MAPKAP1: variants seen among roughly 807,000 people sequenced by gnomAD.
MAPKAP1 encodes the protein MAPK associated protein 1, also known as target of rapamycin complex 2 subunit MAPKAP1.
Under a neutral mutation model 65.7 loss-of-function variants are expected in MAPKAP1, and 20 were observed. The ratio of observed to expected loss-of-function variants is 0.30; its 90% CI spans 0.21 to 0.44. The LOEUF (loss-of-function observed/expected upper bound fraction) is 0.44. Among genes scored for constraint, MAPKAP1 ranks in the 20% least tolerant of loss-of-function variants. The probability of loss-of-function intolerance (pLI) is 1.00; values close to 1 mark genes in which losing one functional copy is unlikely to be tolerated. For missense variants in MAPKAP1, 423 were observed against 648.0 expected (o/e 0.65, Z 3.77); for synonymous variants, 222 against 244.3 (o/e 0.91, Z 0.85).
chr9:125,536,016 G>A (rs1830064479), intron 7 of MAPKAP1, among the ~76,000 whole-genome samples: 1 of 152,236 alleles, frequency 6.6e-6, no homozygotes, highest in African/African-American at 2.4e-5. Context: ...CGACTAGCAG[G>A]AAGAGTAAAT....
At chr9:125,502,090 C>G (rs1395232038) in intron 8 of MAPKAP1, among the ~76,000 whole-genome samples, 2 of 151,550 alleles carry the variant, frequency 1.3e-5, no homozygotes, top group African/African-American at 2.4e-5. Context: ...TACTATTCAG[C>G]CTTTCTTCTT....
At chr9:125,628,854 G>A (rs1229040917) in intron 4 of MAPKAP1, among the ~76,000 whole-genome samples, 1 of 141,464 alleles carries the variant, frequency 7.1e-6, no homozygotes, top group Non-Finnish European at 1.6e-5. Flanking sequence ...AATATATAAT[G>A]AACTCTACAA....
At chr9:125,460,375 A>G (rs1192058895) in intron 10 of MAPKAP1, among the ~76,000 whole-genome samples, 2 of 152,238 alleles carry the variant, frequency 1.3e-5, no homozygotes, top group African/African-American at 4.8e-5. Flanking sequence ...TCCAATCAAC[A>G]CAAATTTTCT....
At chr9:125,679,253 C>T (rs1834748860) in intron 1 of MAPKAP1, among the ~76,000 whole-genome samples, 2 of 152,094 alleles carry the variant, frequency 1.3e-5, no homozygotes, top group Non-Finnish European at 2.9e-5. Context: ...CCCCCCACCT[C>T]GGCCTCCCAA....
chr9:125,517,373 T>C (rs1380751320), intron 7 of MAPKAP1, among the ~76,000 whole-genome samples: 1 of 152,132 alleles, frequency 6.6e-6, no homozygotes, highest in Admixed American at 6.5e-5. Flanking sequence ...CTGCTTGCCC[T>C]GATTTTTCCA....
chr9:125,632,057 T>C (rs1451373880), intron 4 of MAPKAP1, among the ~76,000 whole-genome samples: 1 of 151,680 alleles, frequency 6.6e-6, no homozygotes, highest in Non-Finnish European at 1.5e-5. Flanking sequence ...CCATCTCTAC[T>C]AAAAATACAA....
chr9:125,467,716 C>T (rs1048586945), intron 10 of MAPKAP1, among the ~76,000 whole-genome samples: 9 of 152,132 alleles, frequency 5.9e-5, no homozygotes, highest in Non-Finnish European at 7.4e-5. Context: ...CCCCAGCTCC[C>T]GGGGCTGGGC....
chr9:125,655,519 A>G (rs1834004632), intron 4 of MAPKAP1, among the ~76,000 whole-genome samples: 1 of 152,180 alleles, frequency 6.6e-6, no homozygotes, highest in Non-Finnish European at 1.5e-5. Context: ...AAAAGGCTTG[A>G]CTCAAGTATA....
intron 7 of MAPKAP1, among the ~76,000 whole-genome samples, chr9:125,541,013 G>C (rs1452089979): frequency 6.6e-6 from 1 of 152,208 alleles, no homozygotes; most frequent in Non-Finnish European, 1.5e-5. Flanking sequence ...TACAGAAAGA[G>C]CTTCTTTTGT....
intron 8 of MAPKAP1, among the ~76,000 whole-genome samples, chr9:125,486,211 T>G (rs1189189933): frequency 2.0e-5 from 3 of 152,238 alleles, no homozygotes; most frequent in African/African-American, 7.2e-5. Flanking sequence ...AGATGAGAAC[T>G]CTGAGGCTTT....
At chr9:125,519,033 A>G (rs942189765) in intron 7 of MAPKAP1, among the ~76,000 whole-genome samples, 1 of 152,242 alleles carries the variant, frequency 6.6e-6, no homozygotes, top group African/African-American at 2.4e-5. Flanking sequence ...TCAATTTTAA[A>G]AAATGAGGTG....
intron 5 of MAPKAP1, among the ~76,000 whole-genome samples, chr9:125,573,761 C>T (rs1422396861): frequency 6.6e-6 from 1 of 152,210 alleles, no homozygotes; most frequent in Non-Finnish European, 1.5e-5. Flanking sequence ...GTGGCTGCCA[C>T]ACTGCTCCAT....
intron 1 of MAPKAP1, among the ~76,000 whole-genome samples, chr9:125,682,959 C>CTT (rs5900668): frequency 5.8e-5 from 8 of 137,550 alleles, no homozygotes; most frequent in Admixed American, 2.9e-4. Flanking sequence ...ATTTTAAATT[C>CTT]TTTTTTTTTT....
intron 9 of MAPKAP1, among the ~76,000 whole-genome samples, chr9:125,470,656 A>C (rs192210667): frequency 1.2e-4 from 19 of 152,296 alleles, no homozygotes; most frequent in Admixed American, 1.2e-3. Flanking sequence ...ACACTTTCCC[A>C]ATGACGCCCT....
At chr9:125,574,740 G>A (rs1241262032) in intron 5 of MAPKAP1, among the ~76,000 whole-genome samples, 1 of 152,218 alleles carries the variant, frequency 6.6e-6, no homozygotes, top group East Asian at 1.9e-4. Context: ...TATTGGTTGT[G>A]GTAGTAGCTG....
chr9:125,500,345 C>A (rs1375705084), intron 8 of MAPKAP1, among the ~76,000 whole-genome samples: 6 of 150,608 alleles, frequency 4.0e-5, no homozygotes, highest in Non-Finnish European at 8.9e-5. Flanking sequence ...CTGCCACCAT[C>A]CCTGGCTTTT....
intron 3 of MAPKAP1, among the ~76,000 whole-genome samples, chr9:125,669,050 T>C (rs1165987753): frequency 6.6e-6 from 1 of 151,942 alleles, no homozygotes; most frequent in African/African-American, 2.4e-5. Flanking sequence ...CATGGTGGTG[T>C]GCACCTGTAG....
intron 4 of MAPKAP1, among the ~76,000 whole-genome samples, chr9:125,611,756 A>G (rs574201157): frequency 6.6e-6 from 1 of 152,344 alleles, no homozygotes; most frequent in Non-Finnish European, 1.5e-5. Flanking sequence ...CACCAGGAAA[A>G]AATAGCAATT....
In MAPKAP1 at chr9:125,546,856, G is replaced by A. The variant is rs148761058; in HGVS notation, c.849-3688C>T. 5.0e-3 allele frequency among the ~76,000 whole-genome samples: 756 copies of A among 152,084 alleles called. 3 individuals are homozygous for A. The highest frequency in any genetic ancestry group is 7.5e-3 in the Non-Finnish European group (512 of 67,986). On this transcript the variant is annotated intron_variant, in intron 6 of 11. Coordinates refer to ENST00000265960, the MANE Select transcript of MAPKAP1 (RefSeq NM_001006617.3). The stretch of plus-strand genomic sequence containing the variant: ...AGGCTACACACAGACTCAAAGTCTC[G>A]GCTCAGAAACCGCTCCTCCTCCTGC...
Sources: allele counts gnomAD v4.1 joint callset (sites outside exome capture counted in the v4.1 genomes callset), GRCh38; gene constraint gnomAD v4.1.1; transcripts MANE v1.5; gene names NCBI Gene and HGNC (gene_info 2026-07-23, HGNC 2026-07-21).